Variants in KLF9 observed in about 807,000 individuals in gnomAD.
The protein encoded by KLF9 is KLF transcription factor 9, also known as Krueppel-like factor 9.
A neutral mutation model predicts 17.3 loss-of-function variants in KLF9; 2 were observed. That is an observed-to-expected ratio of 0.12 (90% confidence interval 0.05 to 0.36). The LOEUF is 0.36. Ranked by LOEUF, KLF9 falls within the 10% of genes least tolerant of loss-of-function variation. The probability of loss-of-function intolerance (pLI) is 1.00; values close to 1 mark genes in which losing one functional copy is unlikely to be tolerated. For synonymous variants in KLF9, 138 were observed against 139.2 expected (o/e 0.99, Z 0.06); for missense variants, 226 against 333.2 (o/e 0.68, Z 2.51).
chr9:70,402,548 T>G (rs2037228940), intron 1 of KLF9, among the ~76,000 whole-genome samples: 1 of 152,222 alleles, frequency 6.6e-6, no homozygotes, highest in South Asian at 2.1e-4. Flanking sequence ...AGTCAATGGC[T>G]TTGAAGTTCA....
intron 1 of KLF9, among the ~76,000 whole-genome samples, chr9:70,406,461 CCCAA>C (rs1467517640): frequency 1.3e-5 from 2 of 152,162 alleles, no homozygotes; most frequent in Admixed American, 1.3e-4. Flanking sequence ...GTGATGACCT[CCCAA>C]GGTCACTTCC....
intron 1 of KLF9, among the ~76,000 whole-genome samples, chr9:70,410,294 A>G (rs968810568): frequency 5.9e-5 from 9 of 152,234 alleles, no homozygotes; most frequent in African/African-American, 2.2e-4. Context: ...ATTTTTATAA[A>G]CCCTGTGTTG....
intron 1 of KLF9, among the ~76,000 whole-genome samples, chr9:70,388,372 A>G (rs754276318): frequency 1.3e-5 from 2 of 152,124 alleles, no homozygotes; most frequent in African/African-American, 2.4e-5. Flanking sequence ...CCTCCAATGA[A>G]ACGAACCCGT....
At chr9:70,394,356 G>A (rs368727318) in intron 1 of KLF9, among the ~76,000 whole-genome samples, 16 of 150,508 alleles carry the variant, frequency 1.1e-4, no homozygotes, top group African/African-American at 1.2e-4. Context: ...CACTCTTATC[G>A]TGTACAAAAT....
At chr9:70,402,024 T>G (rs187805128) in intron 1 of KLF9, among the ~76,000 whole-genome samples, 170 of 150,564 alleles carry the variant, frequency 1.1e-3, no homozygotes, top group Non-Finnish European at 2.1e-3. Flanking sequence ...AAAAAATAAA[T>G]AAATAAAAAT....
rs1194925192 is a variant in KLF9 at position 70,386,311 on chromosome 9, G to A, written c.*1465C>T. On this transcript the variant is annotated 3_prime_UTR_variant, in exon 2 of 2. Coordinates refer to ENST00000377126, the MANE Select transcript of KLF9 (RefSeq NM_001206.4). ...TTTCAGGTAAATGGCATAGATGGAT[G>A]TAGTGGTTTCAGCCATTATAGACAC... The A allele has an allele frequency of 6.5e-6, 1 of 152,694 alleles. No individual in the cohort carries two copies. The highest frequency in any genetic ancestry group is 2.4e-5 in the African/African-American group (1 of 41,466). The allele number at this position is 152,694 out of a possible 1,614,324, so 9.5% of individuals were successfully genotyped here.
chr9:70,413,006 C>A lies in KLF9; in HGVS notation c.358G>T (p.Ala120Ser), dbSNP rs2037337930. ...TGGAGGAGGGAGAGCGGGCTGGGCG[C>A]GCTGCCAGGATCCTGTCTCTCCTCC... is the stretch of plus-strand genomic sequence containing the variant. ...SPEERQDPGSAPSPLSLLHPG... is the reference protein window; with the variant it reads ...SPEERQDPGSSPSPLSLLHPG... The change falls in exon 1 of 2, where the codon GCG becomes TCG. Residue 120 changes from alanine to serine, a missense_variant. Coordinates refer to ENST00000377126, the MANE Select transcript of KLF9 (RefSeq NM_001206.4). This position sits in a 1 kb window ranked among gnomAD's most constrained non-coding sequence, Gnocchi z 5.6. 3 of 1,614,020 alleles carry A rather than the reference C, an allele frequency of 1.9e-6. No individual in the cohort carries two copies. Among genetic ancestry groups the A allele is most frequent in the Non-Finnish European group, 2.5e-6 (3 of 1,180,014 alleles).
chr9:70,405,935 T>C (rs2037252369), intron 1 of KLF9, among the ~76,000 whole-genome samples: 7 of 152,154 alleles, frequency 4.6e-5, no homozygotes, highest in Admixed American at 4.6e-4. Flanking sequence ...TAGGGAGTGG[T>C]AGGAAACCTC....
At chr9:70,403,283 C>T (rs767299714) in intron 1 of KLF9, among the ~76,000 whole-genome samples, 23 of 152,210 alleles carry the variant, frequency 1.5e-4, no homozygotes, top group Non-Finnish European at 2.9e-4. Flanking sequence ...GCAACAACTC[C>T]TTCCCCATTC....
At chr9:70,389,618 C>G (rs1206775932) in intron 1 of KLF9, among the ~76,000 whole-genome samples, 1 of 152,204 alleles carries the variant, frequency 6.6e-6, no homozygotes, top group Admixed American at 6.5e-5. Context: ...CAGATGTTAT[C>G]AGGCCAGCAT....
At chr9:70,397,269 G>A (rs1231646972) in intron 1 of KLF9, among the ~76,000 whole-genome samples, 1 of 152,056 alleles carries the variant, frequency 6.6e-6, no homozygotes, top group Non-Finnish European at 1.5e-5. Context: ...GAGGTGAGGA[G>A]GTTGAGACCA....
chr9:70,401,661 T>C (rs1587741270), intron 1 of KLF9, among the ~76,000 whole-genome samples: 1 of 118,066 alleles, frequency 8.5e-6, no homozygotes, highest in South Asian at 2.8e-4. Context: ...CACTCTAGTC[T>C]GGGCAACAGA....
chr9:70,391,507 C>T (rs995621034), intron 1 of KLF9, among the ~76,000 whole-genome samples: 2 of 151,992 alleles, frequency 1.3e-5, no homozygotes, highest in African/African-American at 2.4e-5. Context: ...CACAGAGCCC[C>T]GAGAAAATCA....
At chr9:70,400,482 G>A (rs1228823505) in intron 1 of KLF9, among the ~76,000 whole-genome samples, 2 of 152,174 alleles carry the variant, frequency 1.3e-5, no homozygotes, top group Non-Finnish European at 2.9e-5. Flanking sequence ...GAATTAGAGA[G>A]AGAACCCTGA....
At chr9:70,394,047 G>T (rs1343297087) in intron 1 of KLF9, among the ~76,000 whole-genome samples, 1 of 146,158 alleles carries the variant, frequency 6.8e-6, no homozygotes, top group East Asian at 2.0e-4. Flanking sequence ...AAAAAAAAGA[G>T]TGGTTTCTGA....
At chr9:70,407,576 G>A (rs1284503120) in intron 1 of KLF9, among the ~76,000 whole-genome samples, 4 of 152,236 alleles carry the variant, frequency 2.6e-5, no homozygotes, top group Admixed American at 1.3e-4. Flanking sequence ...CCCCCCGACT[G>A]TCTTTGCTAG....
At chr9:70,409,170 G>A (rs71483586) in intron 1 of KLF9, among the ~76,000 whole-genome samples, 1 of 78,534 alleles carries the variant, frequency 1.3e-5, no homozygotes, top group Non-Finnish European at 2.8e-5. Flanking sequence ...ACACATATAT[G>A]TATATATATG....
intron 1 of KLF9, among the ~76,000 whole-genome samples, chr9:70,407,967 G>A (rs973504649): frequency 1.3e-5 from 2 of 152,110 alleles, no homozygotes; most frequent in African/African-American, 4.8e-5. Context: ...TCTCCCAGGG[G>A]GCAAAAATTG....
At chr9:70,389,492 C>T (rs1261184539) in intron 1 of KLF9, among the ~76,000 whole-genome samples, 1 of 152,184 alleles carries the variant, frequency 6.6e-6, no homozygotes, top group East Asian at 1.9e-4. Flanking sequence ...CTTGGCTGTC[C>T]TGACTCCTGG....
Sources: allele counts gnomAD v4.1 joint callset (sites outside exome capture counted in the v4.1 genomes callset), GRCh38; gene constraint gnomAD v4.1.1; non-coding constraint Gnocchi (gnomAD v3.1); transcripts MANE v1.5; gene names NCBI Gene and HGNC (gene_info 2026-07-23, HGNC 2026-07-21).